The following PHLPP1 variants were observed in gnomAD, a reference collection of about 807,000 sequenced individuals.
The protein encoded by PHLPP1 is PH domain and leucine rich repeat protein phosphatase 1, also known as PH domain leucine-rich repeat-containing protein phosphatase 1.
In PHLPP1, 42 loss-of-function variants were observed where a neutral mutation model predicts 117.2. The ratio of observed to expected loss-of-function variants is 0.36; its 90% CI spans 0.28 to 0.46. PHLPP1 has a LOEUF of 0.46. Among genes scored for constraint, PHLPP1 ranks in the 20% least tolerant of loss-of-function variants. The pLI is 1.00. For missense variants in PHLPP1, 2,084 were observed against 2,241.9 expected, an observed-to-expected ratio of 0.93 and a Z score of 1.42; for synonymous variants, 1,042 against 970.7, an observed-to-expected ratio of 1.07 and a Z score of -1.37.
intron 2 of PHLPP1, among the ~76,000 whole-genome samples, chr18:62,833,946 A>G (rs1914821391): frequency 6.6e-6 from 1 of 152,188 alleles, no homozygotes; most frequent in Admixed American, 6.5e-5. Context: ...ATTTGGTTAT[A>G]TGTAGGAATG....
intron 1 of PHLPP1, among the ~76,000 whole-genome samples, chr18:62,790,182 G>T (rs1017498431): frequency 6.6e-6 from 1 of 152,166 alleles, no homozygotes; most frequent in African/African-American, 2.4e-5. Context: ...GTGTTTGGTT[G>T]TCAGTCAGCG....
chr18:62,766,076 A>AAAATATATATATATAT, intron 1 of PHLPP1, among the ~76,000 whole-genome samples: 10 of 21,652 alleles, frequency 4.6e-4, no homozygotes, highest in Non-Finnish European at 6.8e-4. Flanking sequence ...AAAAAAAAAA[A>AAAATATATATATATAT]ATATATATAT....
intron 4 of PHLPP1, among the ~76,000 whole-genome samples, chr18:62,865,988 G>A (rs532653245): frequency 3.3e-5 from 5 of 152,064 alleles, no homozygotes; most frequent in South Asian, 2.1e-4. Flanking sequence ...CATGACACAC[G>A]TTTACCTGTG....
intron 5 of PHLPP1, 103 bp downstream of exon 5, chr18:62,895,260 T>A: frequency 1.6e-6 from 2 of 1,220,854 alleles, no homozygotes; most frequent in Non-Finnish European, 2.3e-6. Flanking sequence ...GTTGCTCATG[T>A]AAGTCTTGGC....
chr18:62,730,330 C>T (rs912725610), intron 1 of PHLPP1, among the ~76,000 whole-genome samples: 3 of 152,054 alleles, frequency 2.0e-5, no homozygotes, highest in African/African-American at 7.2e-5. Flanking sequence ...GTGTCTATGA[C>T]GACAGTACTA....
At chr18:62,822,307 A>G (rs1914490569) in intron 1 of PHLPP1, among the ~76,000 whole-genome samples, 1 of 129,920 alleles carries the variant, frequency 7.7e-6, no homozygotes, top group African/African-American at 2.8e-5. Context: ...TTTGAGACAG[A>G]GTCTCGCTCT....
intron 7 of PHLPP1, 87 bp downstream of exon 7, chr18:62,903,253 C>A: frequency 2.2e-6 from 2 of 898,740 alleles, no homozygotes; most frequent in Non-Finnish European, 1.7e-6. Context: ...TTATTCTTTG[C>A]TCAAGTAGTT....
At chr18:62,745,923 A>T (rs1270999261) in intron 1 of PHLPP1, among the ~76,000 whole-genome samples, 1 of 152,222 alleles carries the variant, frequency 6.6e-6, no homozygotes, top group Non-Finnish European at 1.5e-5. Flanking sequence ...TGTGTCAGAG[A>T]CTGGGTCAGA....
chr18:62,949,268 A>G lies in PHLPP1; in HGVS notation c.3324+3997A>G, dbSNP rs150646633. Among the ~76,000 whole-genome samples the G allele has an allele frequency of 5.9e-5, 9 of 152,354 alleles. 1 individual carries two copies. In the East Asian group the frequency reaches 1.7e-3, roughly 29 times the overall value. On this transcript the variant is annotated intron_variant, in intron 12 of 16. Transcript: ENST00000262719. ...TCTTTTCAGACATTAAAAGAAAGTG[A>G]TTATTCATAGCTTTGTTACCAAAGT...
At chr18:62,922,522 T>C (rs780735766) in intron 10 of PHLPP1, among the ~76,000 whole-genome samples, 5 of 152,220 alleles carry the variant, frequency 3.3e-5, no homozygotes, top group Non-Finnish European at 7.3e-5. Flanking sequence ...GTGAATACTA[T>C]AAAATTTGAT....
At chr18:62,774,230 C>A (rs1031532593) in intron 1 of PHLPP1, among the ~76,000 whole-genome samples, 7 of 152,112 alleles carry the variant, frequency 4.6e-5, no homozygotes, top group Non-Finnish European at 1.0e-4. Context: ...GTTTTTTTCT[C>A]TTCTTTCCTG....
At chr18:62,744,684 T>C (rs542069902) in intron 1 of PHLPP1, among the ~76,000 whole-genome samples, 2 of 152,362 alleles carry the variant, frequency 1.3e-5, no homozygotes, top group East Asian at 3.9e-4. Context: ...AAACAGATCA[T>C]GTAATGCACA....
intron 13 of PHLPP1, 135 bp from the exon 14 acceptor site, chr18:62,963,233 A>T: frequency 1.7e-6 from 1 of 589,120 alleles, no homozygotes; most frequent in South Asian, 2.2e-5. Context: ...TAAGTATTTC[A>T]GACACATTAA....
At chr18:62,775,428 G>C (rs1357582892) in intron 1 of PHLPP1, among the ~76,000 whole-genome samples, 2 of 152,102 alleles carry the variant, frequency 1.3e-5, no homozygotes, top group Non-Finnish European at 2.9e-5. Flanking sequence ...TTCTTTACTT[G>C]CTATCTTGTT....
At chr18:62,883,150 G>T (rs1245549295) in intron 4 of PHLPP1, among the ~76,000 whole-genome samples, 2 of 152,062 alleles carry the variant, frequency 1.3e-5, no homozygotes, top group African/African-American at 4.8e-5. Context: ...TACCACTTTG[G>T]GTGGAGTGAG....
intron 4 of PHLPP1, among the ~76,000 whole-genome samples, chr18:62,892,289 A>T (rs1034323901): frequency 6.6e-6 from 1 of 151,738 alleles, no homozygotes; most frequent in African/African-American, 2.4e-5. Context: ...GGGTTTCACC[A>T]TGTTGGCCAG....
intron 1 of PHLPP1, among the ~76,000 whole-genome samples, chr18:62,809,679 C>T (rs1339728633): frequency 1.3e-5 from 2 of 151,260 alleles, no homozygotes; most frequent in Admixed American, 6.6e-5. Context: ...TCCAGCCTGG[C>T]GACAGAGCAA....
intron 16 of PHLPP1, among the ~76,000 whole-genome samples, chr18:62,976,521 G>A (rs1427618791): frequency 6.6e-6 from 1 of 152,208 alleles, no homozygotes; most frequent in Non-Finnish European, 1.5e-5. Flanking sequence ...CTTCAATTGT[G>A]TTTGGCATAA....
intron 4 of PHLPP1, among the ~76,000 whole-genome samples, chr18:62,874,602 C>T (rs1454096908): frequency 6.6e-6 from 1 of 152,166 alleles, no homozygotes; most frequent in African/African-American, 2.4e-5. Context: ...GAGTGCCAGA[C>T]AGGAACCAGC....
Sources: allele counts gnomAD v4.1 joint callset (sites outside exome capture counted in the v4.1 genomes callset), GRCh38; gene constraint gnomAD v4.1.1; transcripts MANE v1.5; gene names NCBI Gene and HGNC (gene_info 2026-07-23, HGNC 2026-07-21).